Variants in UNC79 observed in about 807,000 individuals in gnomAD.
UNC79 encodes unc-79 subunit of NALCN channel complex.
In UNC79, 37 loss-of-function variants were observed where a neutral mutation model predicts 283.1. The observed-to-expected ratio is 0.13, with a 90% confidence interval of 0.10 to 0.17. The LOEUF is 0.17. UNC79 is among the 10% of genes least tolerant of loss of function. The pLI, the probability that UNC79 is intolerant of heterozygous loss-of-function variation, is 1.00. For missense variants in UNC79, 2,272 were observed against 3,211.1 expected, an observed-to-expected ratio of 0.71 and a Z score of 7.07; for synonymous variants, 1,107 against 1,200.2, an observed-to-expected ratio of 0.92 and a Z score of 1.61.
intron 14 of UNC79, among the ~76,000 whole-genome samples, chr14:93,563,695 A>T (rs183932928): frequency 2.0e-4 from 30 of 152,232 alleles, no homozygotes; most frequent in African/African-American, 7.2e-4. Flanking sequence ...CAGGGTGAGG[A>T]ACAGGAAAGA....
chr14:93,480,925 C>T (rs1227843284), intron 4 of UNC79, among the ~76,000 whole-genome samples: 2 of 152,030 alleles, frequency 1.3e-5, no homozygotes, highest in Non-Finnish European at 2.9e-5. Context: ...TGTGGTGTTC[C>T]TAATGTCAGA....
intron 7 of UNC79, among the ~76,000 whole-genome samples, chr14:93,510,553 A>G (rs2059770278): frequency 6.6e-6 from 1 of 152,206 alleles, no homozygotes; most frequent in African/African-American, 2.4e-5. Flanking sequence ...TCTGACAGAT[A>G]CCTTAAATCA....
chr14:93,392,850 G>C (rs1427986540), intron 1 of UNC79, among the ~76,000 whole-genome samples: 1 of 152,180 alleles, frequency 6.6e-6, no homozygotes, highest in Admixed American at 6.5e-5. Flanking sequence ...GACTGTCATT[G>C]GTGATAGGTT....
chr14:93,498,298 T>TA (rs1387374688), intron 7 of UNC79, among the ~76,000 whole-genome samples: 1 of 150,034 alleles, frequency 6.7e-6, no homozygotes, highest in East Asian at 2.0e-4. Context: ...AAATAAAAAA[T>TA]AAAAAATAGG....
chr14:93,694,049 TGA>T (rs1174779316), intron 46 of UNC79, among the ~76,000 whole-genome samples: 4 of 152,158 alleles, frequency 2.6e-5, no homozygotes, highest in Non-Finnish European at 5.9e-5. Flanking sequence ...TCCCCTGGTG[TGA>T]GTCAGTGCAG....
intron 14 of UNC79, among the ~76,000 whole-genome samples, chr14:93,561,597 G>A (rs1260920868): frequency 6.6e-6 from 1 of 152,160 alleles, no homozygotes; most frequent in African/African-American, 2.4e-5. Context: ...GAGTGAGTAA[G>A]ATTGATAGTG....
chr14:93,618,072 C>A, intron 28 of UNC79, 120 bp from the exon 30 acceptor site: 1 of 1,057,736 alleles, frequency 9.5e-7, no homozygotes, highest in South Asian at 1.9e-5. Context: ...ACTTCTCTCT[C>A]TCTCTCATAT....
chr14:93,480,751 A>G (rs762502771), intron 4 of UNC79, among the ~76,000 whole-genome samples: 12 of 152,018 alleles, frequency 7.9e-5, no homozygotes, highest in Non-Finnish European at 1.6e-4. Context: ...TGTTTTTTCT[A>G]TTTTTTTGGT....
In UNC79 at chr14:93,474,904, A is replaced by G. The variant is rs1330993833; in HGVS notation, c.448+511A>G. Among the ~76,000 whole-genome samples, 6 of 152,222 alleles carry G rather than the reference A, an allele frequency of 3.9e-5. No individual in the cohort carries two copies. The highest frequency in any genetic ancestry group is 1.4e-4 in the African/African-American group (6 of 41,458). ...AACAACTCTTCCAAATGTAAACAACAATCAATAGTTATTACAAAATGTTGT... is the reference window on the plus strand; with the variant it reads ...AACAACTCTTCCAAATGTAAACAACGATCAATAGTTATTACAAAATGTTGT... On this transcript the variant is annotated intron_variant, in intron 3 of 48. Transcript: ENST00000555664. This position sits in a 1 kb window ranked among gnomAD's most constrained non-coding sequence, Gnocchi z 4.1.
chr14:93,366,124 A>G (rs548780684), intron 1 of UNC79, among the ~76,000 whole-genome samples: 1 of 152,348 alleles, frequency 6.6e-6, no homozygotes, highest in African/African-American at 2.4e-5. Context: ...TTAGAATACT[A>G]TACCTACCCA....
At chr14:93,588,763 A>AG in intron 22 of UNC79, among the ~76,000 whole-genome samples, 1 of 151,334 alleles carries the variant, frequency 6.6e-6, no homozygotes, top group Non-Finnish European at 1.5e-5. Flanking sequence ...AAAAAAAAAA[A>AG]AAAGAGAGAG....
chr14:93,540,591 T>C, intron 12 of UNC79, 69 bp from the exon 13 acceptor site: 1 of 1,551,108 alleles, frequency 6.4e-7, no homozygotes, highest in Admixed American at 1.9e-5. Flanking sequence ...AGGTACTTCC[T>C]CTGAATGGGT....
At chr14:93,539,802 T>C (rs890202514) in intron 12 of UNC79, among the ~76,000 whole-genome samples, 2 of 152,228 alleles carry the variant, frequency 1.3e-5, no homozygotes, top group Admixed American at 1.3e-4. Flanking sequence ...ACAATTCTTT[T>C]TGAAATAACA....
chr14:93,661,883 T>C (rs537710740), intron 39 of UNC79, among the ~76,000 whole-genome samples: 11 of 152,276 alleles, frequency 7.2e-5, no homozygotes, highest in African/African-American at 2.6e-4. Context: ...AACCCTTGTG[T>C]CAGAATTTAG....
At chr14:93,500,169 C>A (rs76367525) in intron 7 of UNC79, among the ~76,000 whole-genome samples, 1 of 152,186 alleles carries the variant, frequency 6.6e-6, no homozygotes, top group African/African-American at 2.4e-5. Context: ...CACCCATCCC[C>A]GTGGCCATTG....
rs529962947 is a variant in UNC79, at chr14:93,529,366, T to C, written c.1093+40T>C. On this transcript the variant is annotated intron_variant, in intron 10 of 48. Transcript: ENST00000555664. ...GGAAAGGATGAATAATGAGTAATCA[T>C]GACTAATGACATAGTTGCTTTATCT... is the stretch of plus-strand genomic sequence containing the variant. 6 of 1,602,786 alleles carry C rather than the reference T, an allele frequency of 3.7e-6. No homozygotes were observed. In the African/African-American group the frequency reaches 4.0e-5, roughly 11 times the overall value.
At chr14:93,631,399 G>A (rs1459666982) in intron 31 of UNC79, among the ~76,000 whole-genome samples, 1 of 152,094 alleles carries the variant, frequency 6.6e-6, no homozygotes, top group Non-Finnish European at 1.5e-5. Flanking sequence ...ATTGGAGAGT[G>A]GAAATGGCAC....
chr14:93,452,634 C>T (rs984476170), intron 1 of UNC79, among the ~76,000 whole-genome samples: 1 of 151,988 alleles, frequency 6.6e-6, no homozygotes, highest in African/African-American at 2.4e-5. Context: ...ATGACCCACC[C>T]GCCTCGGCTT....
chr14:93,449,120 C>T (rs1300555583), intron 1 of UNC79, among the ~76,000 whole-genome samples: 2 of 152,126 alleles, frequency 1.3e-5, no homozygotes, highest in South Asian at 2.1e-4. Context: ...ATTTAGTCCA[C>T]GGTGATACTT....
Sources: gnomAD v4.1 joint callset for allele counts (sites outside exome capture counted in the v4.1 genomes callset) on GRCh38, gnomAD v4.1.1 for gene constraint, Gnocchi (gnomAD v3.1) non-coding constraint, MANE v1.5 for transcripts, NCBI Gene and HGNC (gene_info 2026-07-23, HGNC 2026-07-21) for gene names.